The following NSUN4 variants were observed in gnomAD, a reference collection of about 807,000 sequenced individuals.
The protein encoded by NSUN4 is NOP2/Sun RNA methyltransferase 4.
Under a neutral mutation model 43.8 loss-of-function variants are expected in NSUN4, and 31 were observed. The ratio of observed to expected loss-of-function variants is 0.71; its 90% CI spans 0.53 to 0.96. The LOEUF is 0.96. NSUN4 is among the 40% of genes least tolerant of loss of function. NSUN4 has a pLI of 0.00. For missense variants in NSUN4, 439 were observed against 475.6 expected, an observed-to-expected ratio of 0.92 and a Z score of 0.72; for synonymous variants, 167 against 184.1, an observed-to-expected ratio of 0.91 and a Z score of 0.75.
In NSUN4 at chr1:46,347,095, T is replaced by C. The variant is rs1010438909; in HGVS notation, c.592+20T>C. On this transcript the variant is annotated intron_variant, in intron 3 of 5. Transcript: ENST00000474844. Reference sequence around the variant, plus strand: ...GTTGCCGTAAGTCAGGGTGCTGGTGTGTTGGGCAGAGAGAGCTCCCCACCT... The same window carrying C: ...GTTGCCGTAAGTCAGGGTGCTGGTGCGTTGGGCAGAGAGAGCTCCCCACCT... The C allele has an allele frequency of 4.3e-6, 7 of 1,609,526 alleles. No individual in the cohort carries two copies. Among genetic ancestry groups the C allele is most frequent in the Non-Finnish European group, 5.9e-6 (7 of 1,177,478 alleles).
At chr1:46,368,579 G>A (rs72677599), downstream of NSUN4, among the ~76,000 whole-genome samples, 34,104 of 152,112 alleles carry the variant, frequency 0.22, 4,294 homozygotes, top group Non-Finnish European at 0.29. Context: ...AACAGCATGA[G>A]TGACCCCAGC....
intron 4 of NSUN4, among the ~76,000 whole-genome samples, chr1:46,355,872 G>A (rs1663328589): frequency 6.6e-6 from 1 of 151,986 alleles, no homozygotes; most frequent in South Asian, 2.1e-4. Flanking sequence ...AAATTAGCCG[G>A]GTGTGGTGGC....
At chr1:46,358,227 C>G (rs1663526571) in intron 4 of NSUN4, among the ~76,000 whole-genome samples, 1 of 152,046 alleles carries the variant, frequency 6.6e-6, no homozygotes, top group African/African-American at 2.4e-5. Context: ...TCCTGAGTAG[C>G]TGGGATTACA....
chr1:46,349,102 C>T (rs1252733012), intron 3 of NSUN4, among the ~76,000 whole-genome samples: 4 of 150,934 alleles, frequency 2.7e-5, no homozygotes, highest in Non-Finnish European at 4.4e-5. Context: ...TGTGAACCAC[C>T]GCGCCCAGTC....
chr1:46,356,810 G>C (rs1663411879), intron 4 of NSUN4, among the ~76,000 whole-genome samples: 1 of 152,098 alleles, frequency 6.6e-6, no homozygotes, highest in South Asian at 2.1e-4. Context: ...GGACCTCAGA[G>C]CTCTGCATGT....
At chr1:46,365,392 T>G (rs984230115), downstream of NSUN4, among the ~76,000 whole-genome samples, 1 of 152,142 alleles carries the variant, frequency 6.6e-6, no homozygotes. Flanking sequence ...CAGGCTGGAG[T>G]GCAATGGTGC....
rs777979894 is a variant in NSUN4, at chr1:46,361,881, T to TATCC, written c.*37_*38insCCAT. 4.4e-5 allele frequency: 70 copies of TATCC among 1,579,804 alleles called. No individual in the cohort carries two copies. In the East Asian group the frequency reaches 1.6e-3, roughly 35 times the overall value. On this transcript the variant is annotated 3_prime_UTR_variant, in exon 6 of 6. Transcript: ENST00000474844. Reference sequence around the variant, plus strand: ...ATCCCTGAAGCAAGAATACAAAGGGTATACTCTGTTGGATGCACCAGAAAC... The same window carrying TATCC: ...ATCCCTGAAGCAAGAATACAAAGGGTATCCATACTCTGTTGGATGCACCAGAAAC...
chr1:46,343,509 A>G (rs1569733503), intron 1 of NSUN4: 1 of 399,764 alleles, frequency 2.5e-6, no homozygotes, highest in South Asian at 1.3e-4. Flanking sequence ...GACTATTATT[A>G]GCAAATGCCA....
At chr1:46,368,483 T>C (rs535171715), downstream of NSUN4, among the ~76,000 whole-genome samples, 3 of 152,278 alleles carry the variant, frequency 2.0e-5, no homozygotes, top group African/African-American at 7.2e-5. Context: ...TGCGGCTCTG[T>C]GAAGAAGCCT....
intron 4 of NSUN4, among the ~76,000 whole-genome samples, chr1:46,359,622 C>T (rs1663665802): frequency 6.7e-6 from 1 of 148,778 alleles, no homozygotes; most frequent in South Asian, 2.1e-4. Context: ...GCGATCTTGG[C>T]TCACTGCAAC....
chr1:46,365,922 G>A (rs1664124054), downstream of NSUN4, among the ~76,000 whole-genome samples: 1 of 152,086 alleles, frequency 6.6e-6, no homozygotes, highest in Admixed American at 6.6e-5. Flanking sequence ...AAGGTCAGGA[G>A]TTCAAGACCA....
intron 2 of NSUN4, chr1:46,345,472 C>T (rs1388976321): frequency 2.5e-5 from 6 of 236,610 alleles, no homozygotes; most frequent in Non-Finnish European, 4.9e-5. Flanking sequence ...TTTGAACCCA[C>T]TCTGCTCTGT....
intron 4 of NSUN4, among the ~76,000 whole-genome samples, chr1:46,356,959 C>T (rs1569762296): frequency 6.6e-6 from 1 of 152,128 alleles, no homozygotes. Context: ...GATATTAATA[C>T]AAATAATATT....
intron 3 of NSUN4, among the ~76,000 whole-genome samples, chr1:46,351,406 A>G (rs1257586895): frequency 6.6e-6 from 1 of 152,182 alleles, no homozygotes; most frequent in African/African-American, 2.4e-5. Flanking sequence ...TCCCCTTCCA[A>G]AAAATTGGGG....
intron 3 of NSUN4, 31 bp from the exon 4 acceptor site, chr1:46,352,837 C>A: frequency 1.2e-6 from 2 of 1,607,882 alleles, no homozygotes; most frequent in Non-Finnish European, 8.5e-7. Context: ...TTCATTGGGT[C>A]ATGGCCTCTG....
At chr1:46,383,937 T>C in the NSUN4 span, among the ~76,000 whole-genome samples, 5 of 152,160 alleles carry the variant, frequency 3.3e-5, no homozygotes, top group African/African-American at 1.2e-4. Flanking sequence ...TCCTGATGCA[T>C]GTGGCCTCTG....
chr1:46,355,968 C>T (rs564324617), intron 4 of NSUN4, among the ~76,000 whole-genome samples: 4 of 151,414 alleles, frequency 2.6e-5, no homozygotes, highest in African/African-American at 4.9e-5. Flanking sequence ...GAGCTGAGAT[C>T]GCGCCATTGC....
At chr1:46,355,886 C>A (rs546047056) in intron 4 of NSUN4, among the ~76,000 whole-genome samples, 15 of 152,102 alleles carry the variant, frequency 9.9e-5, no homozygotes, top group African/African-American at 3.6e-4. Flanking sequence ...TGGTGGCAGG[C>A]ACCTGTAATC....
chr1:46,377,306 T>C, the NSUN4 span, among the ~76,000 whole-genome samples: 1 of 152,194 alleles, frequency 6.6e-6, no homozygotes, highest in Non-Finnish European at 1.5e-5. Context: ...CGCCTTGGCC[T>C]CCTGAAGTGT....
Sources: allele counts gnomAD v4.1 joint callset (sites outside exome capture counted in the v4.1 genomes callset), GRCh38; gene constraint gnomAD v4.1.1; transcripts MANE v1.5; gene names NCBI Gene and HGNC (gene_info 2026-07-23, HGNC 2026-07-21).